Variants in CYP4F11 observed in about 807,000 individuals in gnomAD.
CYP4F11 encodes the protein cytochrome P450 family 4 subfamily F member 11.
CYP4F11 carries 79 observed loss-of-function variants against 62.2 expected under a neutral mutation model. The observed-to-expected ratio is 1.27, with a 90% CI of 1.06 to 1.53. The LOEUF is 1.53. Ranked by LOEUF, CYP4F11 falls within the 40% of genes most tolerant of loss-of-function variation. The probability of loss-of-function intolerance (pLI) is 0.00; values close to 1 mark genes in which losing one functional copy is unlikely to be tolerated. For missense variants in CYP4F11, 777 were observed against 680.5 expected (o/e 1.14, Z -1.58); for synonymous variants, 290 against 263.7 (o/e 1.10, Z -0.97).
rs767524132 is a variant in CYP4F11 at position 15,914,911 on chromosome 19, A to G, written c.1116-16T>C. 1.9e-6 allele frequency: 3 copies of G among 1,612,488 alleles called. No individual in the cohort carries two copies. Among genetic ancestry groups the G allele is most frequent in the Non-Finnish European group, 2.5e-6 (3 of 1,179,606 alleles). ...CAGGTCGTCCCTAAGAAAACACCCC[A>G]GCCCCAATCATTATCAAGGGAACAA... On this transcript the variant is annotated splice_polypyrimidine_tract_variant and intron_variant, in intron 8 of 11. Transcript: ENST00000402119.
intron 2 of CYP4F11, 64 bp downstream of exon 2, chr19:15,929,393 G>C: frequency 6.2e-7 from 1 of 1,604,740 alleles, no homozygotes; most frequent in Admixed American, 1.7e-5. Context: ...AGCTTGGGGA[G>C]GGGAGAGGCT....
At chr19:15,931,621 C>G (rs199673338) in intron 1 of CYP4F11, among the ~76,000 whole-genome samples, 3 of 24,400 alleles carry the variant, frequency 1.2e-4, no homozygotes, top group Non-Finnish European at 2.1e-4. Context: ...AATGAGTGAG[C>G]GAGGAGAGGA....
chr19:15,913,537 G>T lies in CYP4F11; in HGVS notation c.*195C>A. 1 of 654,220 alleles carries T rather than the reference G, an allele frequency of 1.5e-6. No individual in the cohort carries two copies. The highest frequency in any genetic ancestry group is 2.6e-6 in the Non-Finnish European group (1 of 386,490). The allele number at this position is 654,220 out of a possible 1,614,324, so 40.5% of individuals were successfully genotyped here. A position where few individuals can be genotyped will look rare whatever the true frequency, so the allele number is the denominator to read the frequency against. ...GGGAGAACCCACTAAGGGCCTAGAT[G>T]CCCTGTGCTCAGCCAGAGAGGCCGT... On this transcript the variant is annotated 3_prime_UTR_variant, in exon 12 of 12. Transcript: ENST00000402119.
intron 2 of CYP4F11, among the ~76,000 whole-genome samples, chr19:15,928,788 G>C (rs2089688542): frequency 6.6e-6 from 1 of 152,206 alleles, no homozygotes; most frequent in African/African-American, 2.4e-5. Context: ...TCTCCTACTG[G>C]AGATTGCTGG....
In CYP4F11 at chr19:15,919,520, A is replaced by ATAGATAGATAGG. The variant is rs1275003087; in HGVS notation, c.1115+2516_1115+2517insCCTATCTATCTA. Among the ~76,000 whole-genome samples, 10 of 151,290 alleles carry ATAGATAGATAGG rather than the reference A, an allele frequency of 6.6e-5. No individual in the cohort carries two copies. The East Asian group carries it at 1.2e-3, about 18-fold the overall frequency. ...GATAGATAGATAGATAGATAGATAG[A>ATAGATAGATAGG]TAGACAGATAGATAAGCAGACAGTT... is the stretch of plus-strand genomic sequence containing the variant. On this transcript the variant is annotated intron_variant, in intron 8 of 11. Coordinates refer to ENST00000402119, the MANE Select transcript of CYP4F11 (RefSeq NM_021187.4).
rs1568257334 is a variant in CYP4F11 at position 15,931,560 on chromosome 19, GCGAGGAGAGGAA to G, written c.199-1971_199-1960del. Among the ~76,000 whole-genome samples, 60 of 110,382 alleles carry G rather than the reference GCGAGGAGAGGAA, an allele frequency of 5.4e-4. 5 individuals are homozygous for G. Among genetic ancestry groups the G allele is most frequent in the African/African-American group, 1.1e-3 (34 of 30,006 alleles). The allele number at this position is 110,382 out of a possible 152,430, so 72.4% of individuals were successfully genotyped here. A position where few individuals can be genotyped will look rare whatever the true frequency, so the allele number is the denominator to read the frequency against. On this transcript the variant is annotated intron_variant, in intron 1 of 11. Coordinates refer to ENST00000402119, the MANE Select transcript of CYP4F11 (RefSeq NM_021187.4). ...AGTGAGCGGGGAGAGGAATGAGTGA[GCGAGGAGAGGAA>G]TGAGTGAGCGAGGAGAGGAATGAGT...
intron 6 of CYP4F11, among the ~76,000 whole-genome samples, chr19:15,923,372 CCT>C (rs1443480970): frequency 6.6e-6 from 1 of 151,758 alleles, no homozygotes; most frequent in East Asian, 1.9e-4. Context: ...CTGTGGGGCC[CCT>C]CTCTGCAGTG....
chr19:15,928,129 C>A (rs1465696402), intron 2 of CYP4F11: 1 of 152,172 alleles, frequency 6.6e-6, no homozygotes, highest in East Asian at 1.9e-4. Flanking sequence ...CTCAAAGATT[C>A]CCTGGGTCCT....
chr19:15,919,470 GTATA>G (rs1178688025), intron 8 of CYP4F11, among the ~76,000 whole-genome samples: 1 of 109,152 alleles, frequency 9.2e-6, no homozygotes, highest in Admixed American at 1.0e-4. Context: ...ATGGACAGAT[GTATA>G]GATAGATAGA....
chr19:15,924,269 C>A (rs2089652338), intron 5 of CYP4F11, among the ~76,000 whole-genome samples, 187 bp from the exon 6 acceptor site: 1 of 152,156 alleles, frequency 6.6e-6, no homozygotes, highest in East Asian at 1.9e-4. Flanking sequence ...GTACCCAGAG[C>A]ATAGCTTGGA....
At chr19:15,914,568 G>A (rs773721428) in intron 10 of CYP4F11, 34 bp downstream of exon 10, 68 of 1,611,928 alleles carry the variant, frequency 4.2e-5, no homozygotes, top group South Asian at 2.3e-4. Flanking sequence ...CCTTGGAATG[G>A]ACTCCAAAAA....
At position 15,928,743 on chromosome 19, in the gene CYP4F11, C is replaced by G. The variant is rs184408549; in HGVS notation, c.343+714G>C. On this transcript the variant is annotated intron_variant, in intron 2 of 11. Transcript: ENST00000402119. ...CTGGCCTGTTCAAGCACAGGATGAG[C>G]AGAGGTAAAGAAAGGGCCCCAGACT... 1.6e-4 allele frequency among the ~76,000 whole-genome samples: 24 copies of G among 152,282 alleles called. 1 individual carries two copies. The highest frequency in any genetic ancestry group is 3.1e-4 in the Non-Finnish European group (21 of 68,022).
intron 8 of CYP4F11, among the ~76,000 whole-genome samples, chr19:15,918,197 A>G (rs1479326416): frequency 6.6e-6 from 1 of 152,142 alleles, no homozygotes; most frequent in Admixed American, 6.6e-5. Context: ...CAGAAAACCA[A>G]ACACCACATG....
chr19:15,928,900 T>C (rs1408672969), intron 2 of CYP4F11, among the ~76,000 whole-genome samples: 4 of 152,152 alleles, frequency 2.6e-5, no homozygotes, highest in Admixed American at 6.5e-5. Context: ...GCAGCCCAGA[T>C]TCTCCACCAG....
At chr19:15,934,155 C>G (rs771959730) in intron 1 of CYP4F11, 56 bp downstream of exon 1, 91 of 1,576,956 alleles carry the variant, frequency 5.8e-5, no homozygotes, top group Non-Finnish European at 7.6e-5. Context: ...CCATTCCTGC[C>G]CCTCAGGAAC....
intron 11 of CYP4F11, 123 bp downstream of exon 11, chr19:15,914,182 T>G: frequency 7.8e-7 from 1 of 1,273,892 alleles, no homozygotes; most frequent in Non-Finnish European, 1.1e-6. Flanking sequence ...TGTGAACAGT[T>G]GCCCATGAAC....
chr19:15,918,803 G>A (rs893996841), intron 8 of CYP4F11, among the ~76,000 whole-genome samples: 5 of 152,196 alleles, frequency 3.3e-5, no homozygotes, highest in South Asian at 4.1e-4. Flanking sequence ...GTCACACAAT[G>A]CAGGCTGGAA....
chr19:15,921,900 A>G (rs2089632084), intron 8 of CYP4F11, 137 bp downstream of exon 8: 1 of 1,148,714 alleles, frequency 8.7e-7, no homozygotes, highest in Non-Finnish European at 1.2e-6. Flanking sequence ...CTGTGTATTA[A>G]GCCCTGCCTC....
chr19:15,927,545 G>C, intron 2 of CYP4F11, 62 bp from the exon 3 acceptor site: 7 of 1,606,092 alleles, frequency 4.4e-6, no homozygotes, highest in Non-Finnish European at 6.0e-6. Context: ...TTTGGGTATG[G>C]AGGAATGCTC....
Sources: allele counts gnomAD v4.1 joint callset (sites outside exome capture counted in the v4.1 genomes callset), GRCh38; gene constraint gnomAD v4.1.1; transcripts MANE v1.5; gene names NCBI Gene and HGNC (gene_info 2026-07-23, HGNC 2026-07-21).